The following RALYL variants were observed in gnomAD, a reference collection of about 807,000 sequenced individuals.
RALYL encodes RALY RNA binding protein like.
Under a neutral mutation model 35.1 loss-of-function variants are expected in RALYL, and 29 were observed. That is an observed-to-expected ratio of 0.83 (90% CI 0.61 to 1.13). The LOEUF is 1.13. Among genes scored for constraint, RALYL ranks in the 50% most tolerant of loss-of-function variants. RALYL has a pLI of 0.00. For missense variants in RALYL, 359 were observed against 360.4 expected, an observed-to-expected ratio of 1.00 and a Z score of 0.03; for synonymous variants, 120 against 127.6, an observed-to-expected ratio of 0.94 and a Z score of 0.40.
At chr8:84,703,894 A>T (rs138854995) in intron 2 of RALYL, among the ~76,000 whole-genome samples, 1 of 152,194 alleles carries the variant, frequency 6.6e-6, no homozygotes, top group African/African-American at 2.4e-5. Flanking sequence ...TTTAAAATAC[A>T]TCATTAGATC....
intron 3 of RALYL, among the ~76,000 whole-genome samples, chr8:84,791,621 T>C (rs755573711): frequency 2.6e-5 from 4 of 152,126 alleles, no homozygotes; most frequent in Non-Finnish European, 5.9e-5. Context: ...GATGGTGATG[T>C]GGTTAAACGG....
intron 1 of RALYL, among the ~76,000 whole-genome samples, chr8:84,221,651 C>A (rs1822240246): frequency 6.6e-6 from 1 of 151,980 alleles, no homozygotes; most frequent in Non-Finnish European, 1.5e-5. Context: ...CTAAATAAAT[C>A]TTGGCTGTTA....
intron 1 of RALYL, among the ~76,000 whole-genome samples, chr8:84,354,423 C>T (rs1401967982): frequency 6.7e-6 from 1 of 150,202 alleles, no homozygotes; most frequent in Non-Finnish European, 1.5e-5. Flanking sequence ...AGACACCATA[C>T]ACCACAAAGT....
chr8:84,555,020 C>A lies in RALYL; in HGVS notation c.256+25443C>A, dbSNP rs549885353. ...TGTTGGCCTGGCACAGTGGCTCACG[C>A]CTGTAATCCCAGCACTTTGGGAGGC... On this transcript the variant is annotated intron_variant, in intron 2 of 8. Transcript: ENST00000521268. Among the ~76,000 whole-genome samples, 6 of 152,296 alleles carry A rather than the reference C, an allele frequency of 3.9e-5. No individual in the cohort carries two copies. The South Asian group carries it at 6.2e-4, about 16-fold the overall frequency.
intron 2 of RALYL, among the ~76,000 whole-genome samples, chr8:84,745,958 C>A (rs111395359): frequency 4.2e-4 from 64 of 152,102 alleles, no homozygotes; most frequent in African/African-American, 1.5e-3. Flanking sequence ...TATGGAAGAA[C>A]CTATGATTGA....
At chr8:84,679,517 C>G (rs1001693387) in intron 2 of RALYL, 3 of 348,388 alleles carry the variant, frequency 8.6e-6, no homozygotes, top group African/African-American at 2.1e-5. Context: ...TTAACTTTTA[C>G]AGAAATATAT....
At chr8:84,894,472 C>T (rs1365335076) in intron 8 of RALYL, among the ~76,000 whole-genome samples, 1 of 152,088 alleles carries the variant, frequency 6.6e-6, no homozygotes, top group Non-Finnish European at 1.5e-5. Flanking sequence ...TGCTATCTTC[C>T]CTGTCCTACT....
Position 84,353,009 on chromosome 8 carries a change from C to T in RALYL, c.-24+168585C>T, listed in dbSNP as rs976807430. Among the ~76,000 whole-genome samples, 29 of 150,326 alleles carry T rather than the reference C, an allele frequency of 1.9e-4. 3 individuals are homozygous for T. Among genetic ancestry groups the T allele is most frequent in the African/African-American group, 6.2e-4 (25 of 40,436 alleles). ...CGACCCCTGTTGGACCACCCCTAGACGTTTCCAGGACACCTGCGGACTTGA... is the reference window on the plus strand; with the variant it reads ...CGACCCCTGTTGGACCACCCCTAGATGTTTCCAGGACACCTGCGGACTTGA... On this transcript the variant is annotated intron_variant, in intron 1 of 8. Transcript: ENST00000521268.
chr8:84,694,893 C>A (rs915802678), intron 2 of RALYL, among the ~76,000 whole-genome samples: 6 of 151,772 alleles, frequency 4.0e-5, no homozygotes, highest in African/African-American at 1.4e-4. Context: ...GTAATAATAG[C>A]TAACACTATA....
intron 1 of RALYL, among the ~76,000 whole-genome samples, chr8:84,331,521 C>G (rs908229582): frequency 6.6e-6 from 1 of 152,006 alleles, no homozygotes; most frequent in Non-Finnish European, 1.5e-5. Context: ...AAGCTGTCTT[C>G]AGAAATCCCA....
At chr8:84,265,027 G>A (rs1449000420) in intron 1 of RALYL, among the ~76,000 whole-genome samples, 1 of 152,180 alleles carries the variant, frequency 6.6e-6, no homozygotes, top group Non-Finnish European at 1.5e-5. Context: ...AGATTAGGGG[G>A]AACTGCATAA....
intron 4 of RALYL, among the ~76,000 whole-genome samples, chr8:84,830,642 C>A (rs1205287594): frequency 2.0e-5 from 3 of 151,722 alleles, no homozygotes; most frequent in Non-Finnish European, 2.9e-5. Flanking sequence ...ATGGTTATAT[C>A]AATATAAACA....
At chr8:84,710,790 C>T (rs147662944) in intron 2 of RALYL, among the ~76,000 whole-genome samples, 151 of 152,088 alleles carry the variant, frequency 9.9e-4, no homozygotes, top group African/African-American at 3.2e-3. Flanking sequence ...TGAAGTTTAT[C>T]GACTTAAATA....
intron 1 of RALYL, among the ~76,000 whole-genome samples, chr8:84,330,598 C>A (rs1846629399): frequency 6.6e-6 from 1 of 152,028 alleles, no homozygotes; most frequent in Non-Finnish European, 1.5e-5. Context: ...GTACTCTTCC[C>A]TTTCCTTCCA....
intron 1 of RALYL, among the ~76,000 whole-genome samples, chr8:84,493,228 C>G (rs1436430443): frequency 6.6e-6 from 1 of 152,066 alleles, no homozygotes; most frequent in African/African-American, 2.4e-5. Flanking sequence ...TAATCAATGT[C>G]CCTGCAAAGG....
chr8:84,793,655 C>T (rs1483749443), intron 3 of RALYL, among the ~76,000 whole-genome samples: 2 of 152,076 alleles, frequency 1.3e-5, no homozygotes, highest in African/African-American at 4.8e-5. Flanking sequence ...TTGGAGCTTC[C>T]AACACAATCC....
At chr8:84,643,852 C>T (rs899840352) in intron 2 of RALYL, among the ~76,000 whole-genome samples, 14 of 151,856 alleles carry the variant, frequency 9.2e-5, no homozygotes, top group African/African-American at 2.7e-4. Flanking sequence ...GTACTGAGTA[C>T]GAGGTCTGTA....
intron 2 of RALYL, among the ~76,000 whole-genome samples, chr8:84,761,314 A>G (rs1812640327): frequency 6.6e-6 from 1 of 152,038 alleles, no homozygotes; most frequent in Non-Finnish European, 1.5e-5. Flanking sequence ...TCAGAAAAAT[A>G]TAACTGACCA....
Position 84,294,766 on chromosome 8 carries a change from T to TA in RALYL, c.-24+110353dup, listed in dbSNP as rs375096277. 2.9e-3 allele frequency among the ~76,000 whole-genome samples: 420 copies of TA among 145,014 alleles called. 6 individuals are homozygous for TA. The highest frequency in any genetic ancestry group is 3.6e-3 in the Non-Finnish European group (238 of 65,590). On this transcript the variant is annotated intron_variant, in intron 1 of 8. Coordinates refer to ENST00000521268, the MANE Select transcript of RALYL (RefSeq NM_173848.7). The stretch of plus-strand genomic sequence containing the variant: ...ACAGAGAAGTGGGTTAACTTTGTAC[T>TA]AAAAAAAAAAAGAATCTGGGAAGAC...
Sources: gnomAD v4.1 joint callset for allele counts (sites outside exome capture counted in the v4.1 genomes callset) on GRCh38, gnomAD v4.1.1 for gene constraint, MANE v1.5 for transcripts, NCBI Gene and HGNC (gene_info 2026-07-23, HGNC 2026-07-21) for gene names.